The following CEMIP2 variants were observed in gnomAD, a reference collection of about 807,000 sequenced individuals.
CEMIP2 encodes cell surface hyaluronidase CEMIP2.
Under a neutral mutation model 146.9 loss-of-function variants are expected in CEMIP2, and 79 were observed. The ratio of observed to expected loss-of-function variants is 0.54; its 90% CI spans 0.45 to 0.65. CEMIP2 has a LOEUF of 0.65. Among genes scored for constraint, CEMIP2 ranks in the 30% least tolerant of loss-of-function variants. The pLI is 0.00. For synonymous variants in CEMIP2, 601 were observed against 606.3 expected, an observed-to-expected ratio of 0.99 and a Z score of 0.13; for missense variants, 1,596 against 1,696.2, an observed-to-expected ratio of 0.94 and a Z score of 1.04.
At position 71,745,275 on chromosome 9, in the gene CEMIP2, A is replaced by C. The variant is rs772737059; in HGVS notation, c.777T>G (p.Phe259Leu). ...SSGLPFGSYTFEKDFSRGLNV... is the reference protein window; with the variant it reads ...SSGLPFGSYTLEKDFSRGLNV... Reference sequence around the variant, plus strand: ...TGAGGCCCCGGGAAAAGTCCTTTTCAAAGGTATAGGACCCAAAGGGCAAGC... The same window carrying C: ...TGAGGCCCCGGGAAAAGTCCTTTTCCAAGGTATAGGACCCAAAGGGCAAGC... Residue 259 changes from phenylalanine to leucine, a missense_variant, in exon 4 of 24, where the codon TTT becomes TTG. Physicochemically the swap from Phe to Leu is conservative, Grantham distance 22 (BLOSUM62 0). Coordinates refer to ENST00000377044, the MANE Select transcript of CEMIP2 (RefSeq NM_013390.3). 5 of 1,614,004 alleles carry C rather than the reference A, an allele frequency of 3.1e-6. No individual in the cohort carries two copies. The highest frequency in any genetic ancestry group is 3.3e-5 in the Admixed American group (2 of 59,982).
chr9:71,717,243 T>C lies in CEMIP2; in HGVS notation c.2400-691A>G, dbSNP rs1338919753. ...AAGCAGTGTATCAAAGTATTAGCTA[T>C]AATTATTATTTTTATAACTATGTTT... On this transcript the variant is annotated intron_variant, in intron 13 of 23. Transcript: ENST00000377044. 2.0e-5 allele frequency among the ~76,000 whole-genome samples: 3 copies of C among 152,288 alleles called. No homozygotes were observed. In the East Asian group the frequency reaches 5.8e-4, roughly 29 times the overall value.
At chr9:71,758,710 T>C (rs1015868469) in intron 1 of CEMIP2, among the ~76,000 whole-genome samples, 2 of 152,222 alleles carry the variant, frequency 1.3e-5, no homozygotes, top group Admixed American at 1.3e-4. Flanking sequence ...ATATTTTCTA[T>C]AGATGCAAAT....
chr9:71,737,034 G>A (rs1823779093), intron 5 of CEMIP2, among the ~76,000 whole-genome samples: 1 of 151,742 alleles, frequency 6.6e-6, no homozygotes, highest in Non-Finnish European at 1.5e-5. Context: ...GCCAGGTGTG[G>A]TGGTGCATGC....
intron 11 of CEMIP2, among the ~76,000 whole-genome samples, chr9:71,723,863 C>T (rs755818420): frequency 2.6e-5 from 4 of 152,026 alleles, no homozygotes; most frequent in African/African-American, 7.2e-5. Flanking sequence ...TTGAGTACTC[C>T]AAGAATTCAA....
chr9:71,713,400 T>C (rs1822963922), intron 15 of CEMIP2, among the ~76,000 whole-genome samples: 1 of 152,254 alleles, frequency 6.6e-6, no homozygotes, highest in East Asian at 1.9e-4. Context: ...TCCCCAGCCA[T>C]GTAGAACTGC....
intron 13 of CEMIP2, 56 bp from the exon 14 acceptor site, chr9:71,716,608 G>C: frequency 1.5e-6 from 2 of 1,374,316 alleles, no homozygotes; most frequent in South Asian, 1.3e-5. Context: ...TGTAAAAAGA[G>C]GTAATTCTCT....
intron 10 of CEMIP2, among the ~76,000 whole-genome samples, chr9:71,728,243 A>ACGTG (rs1169599730): frequency 4.1e-5 from 2 of 49,192 alleles, no homozygotes; most frequent in Non-Finnish European, 8.8e-5. Flanking sequence ...ATATATATAT[A>ACGTG]TATATATGTA....
chr9:71,700,674 G>T lies in CEMIP2; in HGVS notation c.3345C>A (p.Ser1115=). The part of the protein sequence containing the change: ...HSLEELQRKQ[S]ERKFYFDSST... ...TGGAGTCAAAATAGAATTTCCTCTC[G>T]GATTGCTTTCTTTGCAGTTCTTCCA... The change falls in exon 19 of 24, where the codon TCC becomes TCA. Residue 1115 remains serine (S), a synonymous_variant. Transcript: ENST00000377044. The T allele has an allele frequency of 6.2e-7, 1 of 1,606,846 alleles. No individual in the cohort carries two copies. The highest frequency in any genetic ancestry group is 8.5e-7 in the Non-Finnish European group (1 of 1,177,708).
intron 1 of CEMIP2, among the ~76,000 whole-genome samples, chr9:71,764,017 A>G (rs1417196213): frequency 6.6e-6 from 1 of 152,238 alleles, no homozygotes; most frequent in Non-Finnish European, 1.5e-5. Context: ...AACATGACCT[A>G]CAGCCATAAG....
In CEMIP2 at chr9:71,694,602, C is replaced by T. The variant is rs1278854277; in HGVS notation, c.3603G>A (p.Val1201=). Residue 1201 remains valine, a synonymous_variant, in exon 21 of 24, where the codon GTG becomes GTA. Coordinates refer to ENST00000377044, the MANE Select transcript of CEMIP2 (RefSeq NM_013390.3). ...LCQGCGTRQV[V]FTSDPHKSYL... is the part of the protein sequence containing the mutation. ...AACTTTTATGAGGATCACTAGTAAA[C>T]ACCACCTAGACAGAGAAGAAGTTCC... 6.2e-7 allele frequency: 1 copy of T among 1,610,238 alleles called. No individual in the cohort carries two copies. The highest frequency in any genetic ancestry group is 8.5e-7 in the Non-Finnish European group (1 of 1,176,626).
chr9:71,729,771 A>T, intron 10 of CEMIP2, 74 bp downstream of exon 10: 1 of 1,464,196 alleles, frequency 6.8e-7, no homozygotes, highest in Non-Finnish European at 9.5e-7. Context: ...ACATGACATT[A>T]AATCCAAATA....
Position 71,734,953 on chromosome 9 carries a change from C to T in CEMIP2, c.1246G>A (p.Val416Met). The change falls in exon 6 of 24, where the codon GTG becomes ATG. Residue 416 changes from valine (V) to methionine (M), a missense_variant. Transcript: ENST00000377044. ...SGFRVEVVDG[V>M]KLNLLDDVSS... ...ACATCATCTAGCAAATTTAGCTTCA[C>T]TCCATCTACAACCTCTACCCGGAAT... 1.9e-6 allele frequency: 3 copies of T among 1,613,484 alleles called. No homozygotes were observed. Among genetic ancestry groups the T allele is most frequent in the Non-Finnish European group, 2.5e-6 (3 of 1,179,918 alleles).
At chr9:71,733,653 CTT>C (rs1176186523) in intron 6 of CEMIP2, among the ~76,000 whole-genome samples, 1 of 152,088 alleles carries the variant, frequency 6.6e-6, no homozygotes, top group East Asian at 1.9e-4. Flanking sequence ...ACTGTAAACT[CTT>C]TTGTTTTATA....
chr9:71,706,014 C>T (rs71505950), intron 17 of CEMIP2, among the ~76,000 whole-genome samples: 17,996 of 151,624 alleles, frequency 0.12, 1,308 homozygotes, highest in Admixed American at 0.17. Flanking sequence ...AGATCCCTGG[C>T]GGTCAGGAGT....
intron 20 of CEMIP2, among the ~76,000 whole-genome samples, chr9:71,695,629 G>A (rs577656902): frequency 2.6e-5 from 4 of 152,136 alleles, no homozygotes; most frequent in South Asian, 2.1e-4. Context: ...AGCTGAGATC[G>A]TACCACTGCT....
intron 1 of CEMIP2, 55 bp from the exon 2 acceptor site, chr9:71,750,440 C>G: frequency 8.0e-7 from 1 of 1,249,636 alleles, no homozygotes; most frequent in Non-Finnish European, 1.1e-6. Flanking sequence ...TTTTTAATTT[C>G]TTTTATTTAT....
chr9:71,733,897 G>A (rs1354928978), intron 6 of CEMIP2, among the ~76,000 whole-genome samples: 1 of 151,624 alleles, frequency 6.6e-6, no homozygotes, highest in Non-Finnish European at 1.5e-5. Flanking sequence ...AGGCTGCAGT[G>A]CAGTGACATG....
intron 4 of CEMIP2, among the ~76,000 whole-genome samples, chr9:71,742,180 C>G (rs1423312806): frequency 6.6e-6 from 1 of 152,158 alleles, no homozygotes; most frequent in Non-Finnish European, 1.5e-5. Context: ...ATGCCTACAC[C>G]CTTACAAATT....
At chr9:71,756,500 TCTCTCTCACACACA>T (rs1372839762) in intron 1 of CEMIP2, among the ~76,000 whole-genome samples, 5 of 137,822 alleles carry the variant, frequency 3.6e-5, no homozygotes, top group African/African-American at 5.5e-5. Context: ...TCTCTCTCTC[TCTCTCTCACACACA>T]CACACACACA....
Sources: gnomAD v4.1 joint callset for allele counts (sites outside exome capture counted in the v4.1 genomes callset) on GRCh38, gnomAD v4.1.1 for gene constraint, MANE v1.5 for transcripts, NCBI Gene and HGNC (gene_info 2026-07-23, HGNC 2026-07-21) for gene names.